NHLRC2: variants seen among roughly 807,000 people sequenced by gnomAD.
NHLRC2 encodes NHL repeat containing 2, also known as NHL repeat-containing protein 2.
A neutral mutation model predicts 68.1 loss-of-function variants in NHLRC2; 33 were observed. That is an observed-to-expected ratio of 0.48 (90% CI 0.37 to 0.65). The LOEUF (loss-of-function observed/expected upper bound fraction) is 0.65, where lower values mean the gene tolerates loss of function less well. Ranked by LOEUF, NHLRC2 falls within the 30% of genes least tolerant of loss-of-function variation. The pLI is 0.00. For missense variants in NHLRC2, 761 were observed against 853.8 expected (o/e 0.89, Z 1.35); for synonymous variants, 311 against 309.6 (o/e 1.00, Z -0.05).
chr10:113,903,214 T>C (rs1846243250), intron 8 of NHLRC2, among the ~76,000 whole-genome samples: 1 of 152,154 alleles, frequency 6.6e-6, no homozygotes, highest in African/African-American at 2.4e-5. Flanking sequence ...TGTCCCATTG[T>C]GAAGAAAAAC....
rs541957091 is a variant in NHLRC2, at chr10:113,874,134, C to G, written c.332-2387C>G. Among the ~76,000 whole-genome samples, 37 of 152,146 alleles carry G rather than the reference C, an allele frequency of 2.4e-4. No homozygotes were observed. The South Asian group carries it at 7.3e-3, about 30-fold the overall frequency. ...GATATTTATAAATGTTTACATTTATCTTTTATTAATCTTTGTACTTACAAC... is the reference window on the plus strand; with the variant it reads ...GATATTTATAAATGTTTACATTTATGTTTTATTAATCTTTGTACTTACAAC... On this transcript the variant is annotated intron_variant, in intron 2 of 10. Transcript: ENST00000369301.
chr10:113,880,716 C>T (rs1261395322), intron 4 of NHLRC2, among the ~76,000 whole-genome samples: 1 of 151,892 alleles, frequency 6.6e-6, no homozygotes, highest in Non-Finnish European at 1.5e-5. Flanking sequence ...GTTTTGTCTA[C>T]TACTGAATCC....
At chr10:113,879,046 T>C (rs943732153) in intron 3 of NHLRC2, among the ~76,000 whole-genome samples, 1 of 152,194 alleles carries the variant, frequency 6.6e-6, no homozygotes, top group Non-Finnish European at 1.5e-5. Context: ...TCACTCTCTC[T>C]TACAGTGTGT....
rs1845722937 is a variant in NHLRC2 at position 113,854,709 on chromosome 10, T to C, written c.-164T>C. 2 of 599,506 alleles carry C rather than the reference T, an allele frequency of 3.3e-6. No individual in the cohort carries two copies. Among genetic ancestry groups the C allele is most frequent in the Non-Finnish European group, 5.7e-6 (2 of 348,762 alleles). 37.1% of individuals were successfully genotyped at this position (599,506 alleles called of 1,614,324 possible). On this transcript the variant is annotated 5_prime_UTR_variant, in exon 1 of 11. Transcript: ENST00000369301. Reference sequence around the variant, plus strand: ...TGCGCCGATTTGGACTTTTGGCACTTGGACCTATGCTTTAAAAAGAAAAAA... The same window carrying C: ...TGCGCCGATTTGGACTTTTGGCACTCGGACCTATGCTTTAAAAAGAAAAAA...
At chr10:113,877,712 C>G (rs923461667) in intron 3 of NHLRC2, among the ~76,000 whole-genome samples, 11 of 152,158 alleles carry the variant, frequency 7.2e-5, no homozygotes, top group African/African-American at 2.7e-4. Flanking sequence ...CATTTCTTTG[C>G]AATCCTGCTT....
chr10:113,892,512 T>G lies in NHLRC2; in HGVS notation c.1040-5598T>G, dbSNP rs190447832. 9.8e-5 allele frequency among the ~76,000 whole-genome samples: 15 copies of G among 152,296 alleles called. No individual in the cohort carries two copies. The East Asian group carries it at 2.9e-3, about 29-fold the overall frequency. ...GAAATGTTCATGATTACCACATTCT[T>G]TTTAGAGGGAACAAATCTAATACCC... On this transcript the variant is annotated intron_variant, in intron 5 of 10. Transcript: ENST00000369301.
chr10:113,872,716 G>T (rs1385909922), intron 2 of NHLRC2, among the ~76,000 whole-genome samples: 1 of 150,752 alleles, frequency 6.6e-6, no homozygotes, highest in Non-Finnish European at 1.5e-5. Context: ...ATTTATTAAG[G>T]GGCATTAAAA....
chr10:113,868,371 T>TCCG (rs1845889860), intron 2 of NHLRC2, among the ~76,000 whole-genome samples: 1 of 152,200 alleles, frequency 6.6e-6, no homozygotes, highest in East Asian at 1.9e-4. Context: ...AAGGGCAGAA[T>TCCG]CTTTTACATC....
intron 2 of NHLRC2, among the ~76,000 whole-genome samples, chr10:113,859,532 T>A (rs1319826758): frequency 2.0e-5 from 3 of 152,192 alleles, no homozygotes; most frequent in African/African-American, 7.2e-5. Flanking sequence ...CAACTGAAAC[T>A]TCAGATGCTT....
rs559906379 is a variant in NHLRC2, at chr10:113,905,795, A to G, written c.1924+759A>G. Among the ~76,000 whole-genome samples the G allele has an allele frequency of 1.2e-4, 18 of 152,260 alleles. 1 individual carries two copies. The East Asian group carries it at 2.9e-3, about 25-fold the overall frequency. ...TTCTTACCTTCAACTTTCTCAGGGCAGCAGCCACTGGCCTGCAATTATAAT... is the reference window on the plus strand; with the variant it reads ...TTCTTACCTTCAACTTTCTCAGGGCGGCAGCCACTGGCCTGCAATTATAAT... On this transcript the variant is annotated intron_variant, in intron 10 of 10. Coordinates refer to ENST00000369301, the MANE Select transcript of NHLRC2 (RefSeq NM_198514.4).
intron 2 of NHLRC2, among the ~76,000 whole-genome samples, chr10:113,868,073 C>T (rs1025046068): frequency 1.3e-5 from 2 of 152,142 alleles, no homozygotes; most frequent in African/African-American, 2.4e-5. Flanking sequence ...ACGGCAGCCA[C>T]GACCTCCTGG....
intron 1 of NHLRC2, among the ~76,000 whole-genome samples, 185 bp downstream of exon 1, chr10:113,855,235 G>A (rs1845735319): frequency 1.3e-5 from 2 of 152,234 alleles, no homozygotes; most frequent in South Asian, 4.1e-4. Context: ...AGCGGCCACC[G>A]ACGGGGGTTT....
chr10:113,882,176 A>T (rs1397608465), intron 4 of NHLRC2, among the ~76,000 whole-genome samples: 1 of 151,788 alleles, frequency 6.6e-6, no homozygotes, highest in Non-Finnish European at 1.5e-5. Flanking sequence ...ATTGATACAC[A>T]GGTTTTACAT....
chr10:113,892,338 A>G (rs1448770989), intron 5 of NHLRC2, among the ~76,000 whole-genome samples: 1 of 152,014 alleles, frequency 6.6e-6, no homozygotes, highest in Non-Finnish European at 1.5e-5. Context: ...AGCCTCTGTC[A>G]TTGTCGTTTT....
In NHLRC2 at chr10:113,916,806, T is replaced by C. The variant is rs1846390794; in HGVS notation, c.*8270T>C. On this transcript the variant is annotated 3_prime_UTR_variant, in exon 11 of 11. Transcript: ENST00000369301. ...TTCTTATTCCAAAGGCTTGATTATA[T>C]TTTTTTCTCCAGTGATTAAAAATGC... 2.0e-5 allele frequency: 3 copies of C among 152,294 alleles called. No individual in the cohort carries two copies. The South Asian group carries it at 6.2e-4, about 32-fold the overall frequency. 9.4% of individuals were successfully genotyped at this position (152,294 alleles called of 1,614,324 possible).
intron 2 of NHLRC2, among the ~76,000 whole-genome samples, chr10:113,862,204 A>G (rs1474721905): frequency 6.6e-6 from 1 of 152,122 alleles, no homozygotes; most frequent in African/African-American, 2.4e-5. Context: ...TTAAGAAACT[A>G]ATGCATTAAA....
At chr10:113,902,332 C>T (rs1264803082) in intron 7 of NHLRC2, 139 bp from the exon 8 acceptor site, 1 of 614,972 alleles carries the variant, frequency 1.6e-6, no homozygotes, top group Non-Finnish European at 2.8e-6. Flanking sequence ...AAGTATCCAA[C>T]CCTATTTATA....
At chr10:113,898,648 C>T (rs1267381487) in intron 6 of NHLRC2, among the ~76,000 whole-genome samples, 1 of 152,192 alleles carries the variant, frequency 6.6e-6, no homozygotes, top group East Asian at 1.9e-4. Context: ...TAAGAATATT[C>T]AGTGGACCCT....
At position 113,912,573 on chromosome 10, in the gene NHLRC2, A is replaced by C. The variant is rs1846339234; in HGVS notation, c.*4037A>C. 1 of 152,212 alleles carries C rather than the reference A, an allele frequency of 6.6e-6. No individual in the cohort carries two copies. Among genetic ancestry groups the C allele is most frequent in the South Asian group, 2.1e-4 (1 of 4,830 alleles). 9.4% of individuals were successfully genotyped at this position (152,212 alleles called of 1,614,324 possible). A position where few individuals can be genotyped will look rare whatever the true frequency, so the allele number is the denominator to read the frequency against. On this transcript the variant is annotated 3_prime_UTR_variant, in exon 11 of 11. Transcript: ENST00000369301. Reference sequence around the variant, plus strand: ...TCATCCTGAACCACATTCCTACAACATATGCCCAACAACCTGCACCAGAGT... The same window carrying C: ...TCATCCTGAACCACATTCCTACAACCTATGCCCAACAACCTGCACCAGAGT...
Sources: gnomAD v4.1 joint callset for allele counts (sites outside exome capture counted in the v4.1 genomes callset) on GRCh38, gnomAD v4.1.1 for gene constraint, MANE v1.5 for transcripts, NCBI Gene and HGNC (gene_info 2026-07-23, HGNC 2026-07-21) for gene names.